Variants in TPST2 observed in about 807,000 individuals in gnomAD.
TPST2 encodes protein-tyrosine sulfotransferase 2.
Under a neutral mutation model 27.8 loss-of-function variants are expected in TPST2, and 16 were observed. That is an observed-to-expected ratio of 0.58 (90% CI 0.39 to 0.88). TPST2 has a LOEUF of 0.88. Ranked by LOEUF, TPST2 falls within the 40% of genes least tolerant of loss-of-function variation. The probability of loss-of-function intolerance (pLI) is 0.00; values close to 1 mark genes in which losing one functional copy is unlikely to be tolerated. For synonymous variants in TPST2, 229 were observed against 231.7 expected, an observed-to-expected ratio of 0.99 and a Z score of 0.10; for missense variants, 464 against 543.1, an observed-to-expected ratio of 0.85 and a Z score of 1.45.
intron 1 of TPST2, among the ~76,000 whole-genome samples, chr22:26,556,223 A>G (rs1490726114): frequency 6.6e-6 from 1 of 152,218 alleles, no homozygotes; most frequent in Non-Finnish European, 1.5e-5. Context: ...AAGCAGACAC[A>G]TCTGTGGCAC....
intron 1 of TPST2, chr22:26,565,159 T>C (rs951405594): frequency 2.0e-5 from 3 of 152,400 alleles, no homozygotes; most frequent in African/African-American, 7.2e-5. Flanking sequence ...AGCCACTTGC[T>C]CTAGTTGACA....
chr22:26,554,034 T>G (rs887684105), intron 1 of TPST2, among the ~76,000 whole-genome samples: 1 of 152,104 alleles, frequency 6.6e-6, no homozygotes, highest in Non-Finnish European at 1.5e-5. Flanking sequence ...ATGACAGGCT[T>G]GGAGGGTAGG....
chr22:26,570,049 A>AAGAAAGAC (rs1927567042), intron 1 of TPST2, among the ~76,000 whole-genome samples: 3 of 95,956 alleles, frequency 3.1e-5, no homozygotes, highest in Admixed American at 1.0e-4. Context: ...GAAAGACAGA[A>AAGAAAGAC]AGAAAGAAAG....
chr22:26,541,447 A>G lies in TPST2; in HGVS notation c.184T>C (p.Tyr62His), dbSNP rs1253137878. ...LVMVGTNHVE[Y>H]RYGKAMPLIF... is the part of the protein sequence containing the mutation. The stretch of plus-strand genomic sequence containing the variant: ...AGCGGCATGGCCTTGCCATAGCGGT[A>G]TTCCACGTGGTTGGTGCCCACCATC... The change falls in exon 3 of 7, where the codon TAC (tyrosine) becomes CAC (histidine). Residue 62 changes from tyrosine (Y) to histidine (H), a missense_variant. Coordinates refer to ENST00000338754, the MANE Select transcript of TPST2 (RefSeq NM_003595.5). The surrounding 1 kb of genome is among the most constrained non-coding windows in gnomAD (Gnocchi z 5.9). 4 of 1,604,008 alleles carry G rather than the reference A, an allele frequency of 2.5e-6. No individual in the cohort carries two copies. In the South Asian group the frequency reaches 4.5e-5, roughly 18 times the overall value.
chr22:26,537,700 G>A (rs536161371), intron 3 of TPST2, among the ~76,000 whole-genome samples: 7 of 152,160 alleles, frequency 4.6e-5, no homozygotes, highest in Admixed American at 2.6e-4. Context: ...TGATCTGCCC[G>A]CCTCGGCCTC....
At chr22:26,587,494 C>A (rs753969332) in intron 1 of TPST2, among the ~76,000 whole-genome samples, 2 of 152,140 alleles carry the variant, frequency 1.3e-5, no homozygotes, top group African/African-American at 2.4e-5. Context: ...GCACGCACCA[C>A]CACACCTGGC....
intron 5 of TPST2, among the ~76,000 whole-genome samples, chr22:26,531,738 G>A (rs1044311155): frequency 6.6e-6 from 1 of 152,146 alleles, no homozygotes; most frequent in South Asian, 2.1e-4. Flanking sequence ...CAGATTAAGG[G>A]CCCAGTTCCA....
chr22:26,580,235 AAAAG>A lies in TPST2; in HGVS notation c.-161+9814_-161+9817del, dbSNP rs769084426. ...GGCAACAGAGCAAGACCATCTCAAAAAAAGAAAGAAAGAAAAGAAGAATAAGAAA... is the reference window on the plus strand; with the variant it reads ...GGCAACAGAGCAAGACCATCTCAAAAAAAGAAAGAAAAGAAGAATAAGAAA... On this transcript the variant is annotated intron_variant, in intron 1 of 6. Coordinates refer to ENST00000338754, the MANE Select transcript of TPST2 (RefSeq NM_003595.5). Among the ~76,000 whole-genome samples, 10 of 152,316 alleles carry A rather than the reference AAAAG, an allele frequency of 6.6e-5. No homozygotes were observed. The East Asian group carries it at 1.2e-3, about 18-fold the overall frequency.
rs972147828 is a variant in TPST2, at chr22:26,523,344, T to C, written c.*2931A>G. On this transcript the variant is annotated 3_prime_UTR_variant, in exon 7 of 7. Transcript: ENST00000338754. The stretch of plus-strand genomic sequence containing the variant: ...AAGACTATGTACAAACAGAAAATGG[T>C]AGCATTACCTTTAGGAGCTATTGAG... 1.3e-5 allele frequency: 2 copies of C among 152,204 alleles called. No individual in the cohort carries two copies. The highest frequency in any genetic ancestry group is 4.8e-5 in the African/African-American group (2 of 41,456). 9.4% of individuals were successfully genotyped at this position (152,204 alleles called of 1,614,324 possible). A position where few individuals can be genotyped will look rare whatever the true frequency, so the allele number is the denominator to read the frequency against.
Position 26,525,762 on chromosome 22 carries a change from G to A in TPST2, c.*513C>T, listed in dbSNP as rs1602243999. Reference sequence around the variant, plus strand: ...AACCCTATTCATTCAGTAAAGTAAGGCACAAACAAATGAGCCTCTGTTCAC... The same window carrying A: ...AACCCTATTCATTCAGTAAAGTAAGACACAAACAAATGAGCCTCTGTTCAC... On this transcript the variant is annotated 3_prime_UTR_variant, in exon 7 of 7. Coordinates refer to ENST00000338754, the MANE Select transcript of TPST2 (RefSeq NM_003595.5). 6.6e-6 allele frequency: 1 copy of A among 152,436 alleles called. No homozygotes were observed. The highest frequency in any genetic ancestry group is 2.4e-5 in the African/African-American group (1 of 41,384). 9.4% of individuals were successfully genotyped at this position (152,436 alleles called of 1,614,324 possible).
intron 1 of TPST2, among the ~76,000 whole-genome samples, chr22:26,544,994 C>A (rs1926043938): frequency 6.6e-6 from 1 of 152,142 alleles, no homozygotes; most frequent in Admixed American, 6.6e-5. Flanking sequence ...GGCCTAGGGA[C>A]CTTGGACTCC....
intron 1 of TPST2, among the ~76,000 whole-genome samples, chr22:26,568,759 G>T (rs559441768): frequency 6.6e-6 from 1 of 152,064 alleles, no homozygotes; most frequent in Non-Finnish European, 1.5e-5. Context: ...CATAAATATA[G>T]CCAACCAGCA....
intron 1 of TPST2, among the ~76,000 whole-genome samples, chr22:26,549,470 A>C (rs1182963341): frequency 6.6e-6 from 1 of 151,944 alleles, no homozygotes. Context: ...CATCCTGGCC[A>C]ACACAGTGAA....
chr22:26,584,908 T>C (rs2145942691), intron 1 of TPST2, among the ~76,000 whole-genome samples: 1 of 152,306 alleles, frequency 6.6e-6, no homozygotes, highest in South Asian at 2.1e-4. Flanking sequence ...TTGTTGCCTT[T>C]TGACAGACGG....
In TPST2 at chr22:26,523,034, A is replaced by G. The variant is rs1220800178; in HGVS notation, c.*3241T>C. 1.3e-5 allele frequency: 2 copies of G among 151,786 alleles called. No homozygotes were observed. The highest frequency in any genetic ancestry group is 4.8e-5 in the African/African-American group (2 of 41,280). 9.4% of individuals were successfully genotyped at this position (151,786 alleles called of 1,614,324 possible). ...TGTGTTTGCAGGAGTTAGAGGTTGC[A>G]GTGAGCTGTGTTTGCAGGAGTTAGA... On this transcript the variant is annotated 3_prime_UTR_variant, in exon 7 of 7. Transcript: ENST00000338754.
At chr22:26,539,894 G>C (rs1202228402) in intron 3 of TPST2, among the ~76,000 whole-genome samples, 2 of 152,148 alleles carry the variant, frequency 1.3e-5, no homozygotes, top group Non-Finnish European at 2.9e-5. Flanking sequence ...TCAGTTTTTT[G>C]GTCTATAAAA....
At chr22:26,586,315 G>A (rs1381072372) in intron 1 of TPST2, among the ~76,000 whole-genome samples, 1 of 152,166 alleles carries the variant, frequency 6.6e-6, no homozygotes, top group Non-Finnish European at 1.5e-5. Context: ...CTGGAGTGCA[G>A]TGGTGCAATC....
At chr22:26,574,520 G>C (rs1195870111) in intron 1 of TPST2, among the ~76,000 whole-genome samples, 2 of 152,114 alleles carry the variant, frequency 1.3e-5, no homozygotes, top group African/African-American at 4.8e-5. Flanking sequence ...ACACACAAAA[G>C]ATAAAGATAC....
chr22:26,561,076 AGAAG>A (rs1927062688), intron 1 of TPST2: 7 of 1,601,156 alleles, frequency 4.4e-6, no homozygotes, highest in Non-Finnish European at 6.0e-6. Flanking sequence ...AGCAAGAAAA[AGAAG>A]GAAGAGGAGG....
Sources: gnomAD v4.1 joint callset for allele counts (sites outside exome capture counted in the v4.1 genomes callset) on GRCh38, gnomAD v4.1.1 for gene constraint, Gnocchi (gnomAD v3.1) non-coding constraint, MANE v1.5 for transcripts, NCBI Gene and HGNC (gene_info 2026-07-23, HGNC 2026-07-21) for gene names.